Variants in CSMD1 observed in about 807,000 individuals in gnomAD.
The protein encoded by CSMD1 is CUB and Sushi multiple domains 1, also known as CUB and sushi domain-containing protein 1.
In CSMD1, 213 loss-of-function variants were observed where a neutral mutation model predicts 417.5. That is an observed-to-expected ratio of 0.51 (90% CI 0.46 to 0.57). The LOEUF is 0.57. Among genes scored for constraint, CSMD1 ranks in the 20% least tolerant of loss-of-function variants. The probability of loss-of-function intolerance (pLI) is 0.00; values close to 1 mark genes in which losing one functional copy is unlikely to be tolerated. For missense variants in CSMD1, 6,923 were observed against 4,529.7 expected, an observed-to-expected ratio of 1.53 and a Z score of -15.17; for synonymous variants, 2,862 against 1,736.8, an observed-to-expected ratio of 1.65 and a Z score of -16.11.
At chr8:4,226,899 G>A (rs1519178) in intron 3 of CSMD1, among the ~76,000 whole-genome samples, 3,573 of 152,284 alleles carry the variant, frequency 0.023, 45 homozygotes, top group Middle Eastern at 0.075. Flanking sequence ...GAACGTAAAG[G>A]ATTTTTTGTT....
intron 3 of CSMD1, among the ~76,000 whole-genome samples, chr8:4,179,043 C>T (rs1798210234): frequency 6.6e-6 from 1 of 152,134 alleles, no homozygotes; most frequent in Non-Finnish European, 1.5e-5. Context: ...CATCAAGCTA[C>T]CAATGACTTT....
chr8:3,348,431 T>C lies in CSMD1; in HGVS notation c.3305-270A>G, dbSNP rs902070549. On this transcript the variant is annotated intron_variant, in intron 21 of 69. Coordinates refer to ENST00000635120, the MANE Select transcript of CSMD1 (RefSeq NM_033225.6). ...CAGCATGCTATCATACAGAGAGTTC[T>C]AGAATAAAACAGAGGTGCTCCAGCA... Among the ~76,000 whole-genome samples the C allele has an allele frequency of 2.6e-5, 4 of 152,324 alleles. No homozygotes were observed. The East Asian group carries it at 5.8e-4, about 22-fold the overall frequency.
At chr8:4,106,756 C>G (rs1801588765) in intron 3 of CSMD1, among the ~76,000 whole-genome samples, 1 of 152,148 alleles carries the variant, frequency 6.6e-6, no homozygotes, top group African/African-American at 2.4e-5. Context: ...AGACCCCGCA[C>G]AGCTAGTGAT....
intron 12 of CSMD1, among the ~76,000 whole-genome samples, chr8:3,439,050 G>C (rs1814763044): frequency 7.0e-6 from 1 of 142,290 alleles, no homozygotes; most frequent in African/African-American, 2.6e-5. Flanking sequence ...TTCAATCTGG[G>C]AGGTGGAGGT....
intron 2 of CSMD1, among the ~76,000 whole-genome samples, chr8:4,623,294 T>C (rs1273876388): frequency 6.6e-6 from 1 of 152,106 alleles, no homozygotes; most frequent in African/African-American, 2.4e-5. Flanking sequence ...AAAATAACAC[T>C]CTACACTCAT....
chr8:3,771,298 T>A (rs983803270), intron 5 of CSMD1, among the ~76,000 whole-genome samples: 2 of 152,194 alleles, frequency 1.3e-5, no homozygotes, highest in Non-Finnish European at 2.9e-5. Flanking sequence ...TGCTGGTGCT[T>A]CTGGAAGCCT....
At chr8:3,880,686 C>T (rs547835624) in intron 5 of CSMD1, among the ~76,000 whole-genome samples, 50 of 152,232 alleles carry the variant, frequency 3.3e-4, no homozygotes, top group African/African-American at 1.1e-3. Flanking sequence ...GCTTTGCACA[C>T]GTTTCCCAAA....
chr8:3,708,228 C>T (rs753497044), intron 7 of CSMD1, among the ~76,000 whole-genome samples, 186 bp downstream of exon 7: 3 of 152,116 alleles, frequency 2.0e-5, no homozygotes, highest in East Asian at 1.9e-4. Flanking sequence ...AGAACCACCA[C>T]GACATTCCTC....
intron 3 of CSMD1, among the ~76,000 whole-genome samples, chr8:4,088,507 T>C (rs556273667): frequency 6.6e-6 from 1 of 152,334 alleles, no homozygotes; most frequent in East Asian, 1.9e-4. Context: ...TTCTTTGTTT[T>C]CAACCCATGT....
chr8:3,426,807 T>A (rs1813870567), intron 12 of CSMD1, among the ~76,000 whole-genome samples: 1 of 152,244 alleles, frequency 6.6e-6, no homozygotes, highest in African/African-American at 2.4e-5. Context: ...AGTTTCCTCA[T>A]GTTCCAAATC....
At chr8:4,441,468 A>C (rs1482358731) in intron 2 of CSMD1, among the ~76,000 whole-genome samples, 2 of 151,902 alleles carry the variant, frequency 1.3e-5, no homozygotes, top group Non-Finnish European at 2.9e-5. Flanking sequence ...TGAATGTTTT[A>C]TTAGGAGTTA....
chr8:4,335,498 C>T (rs60498550), intron 3 of CSMD1, among the ~76,000 whole-genome samples: 2,585 of 152,114 alleles, frequency 0.017, 73 homozygotes, highest in African/African-American at 0.058. Flanking sequence ...ATGTCCTGAA[C>T]AAACGAAGTC....
At chr8:4,773,045 T>C (rs980890187) in intron 1 of CSMD1, among the ~76,000 whole-genome samples, 2 of 152,188 alleles carry the variant, frequency 1.3e-5, no homozygotes, top group Admixed American at 6.5e-5. Flanking sequence ...ATATCTCTTA[T>C]CTGAAATGTT....
At position 4,387,592 on chromosome 8, in the gene CSMD1, AG is replaced by A. The variant is rs1432014880; in HGVS notation, c.415+32360del. Among the ~76,000 whole-genome samples the A allele has an allele frequency of 2.6e-4, 39 of 148,786 alleles. 1 individual carries two copies. The highest frequency in any genetic ancestry group is 8.2e-4 in the African/African-American group (33 of 40,080). ...TGGCAAAAAAAAAAAAAAAAAAAAA[AG>A]AGTTGAATGTTTGGAAGTATTTTTA... is the stretch of plus-strand genomic sequence containing the variant. On this transcript the variant is annotated intron_variant, in intron 3 of 69. Transcript: ENST00000635120.
Position 4,033,141 on chromosome 8 carries a change from A to AAC in CSMD1, c.416-1043_416-1042insGT, listed in dbSNP as rs1797438204. Among the ~76,000 whole-genome samples, 3 of 150,366 alleles carry AAC rather than the reference A, an allele frequency of 2.0e-5. No individual in the cohort carries two copies. In the South Asian group the frequency reaches 6.3e-4, roughly 32 times the overall value. On this transcript the variant is annotated intron_variant, in intron 3 of 69. Transcript: ENST00000635120. ...TTAATTTCCAATATGAAAAAAAAAAAAAAAAAAAAAAAAACCTGGCCAGGC... is the reference window on the plus strand; with the variant it reads ...TTAATTTCCAATATGAAAAAAAAAAAACAAAAAAAAAAAAAACCTGGCCAGGC...
At chr8:3,509,868 G>C (rs772959699) in intron 10 of CSMD1, among the ~76,000 whole-genome samples, 2 of 152,158 alleles carry the variant, frequency 1.3e-5, no homozygotes, top group Non-Finnish European at 2.9e-5. Context: ...ACCCAACTCT[G>C]TGGCCATGGT....
intron 3 of CSMD1, among the ~76,000 whole-genome samples, chr8:4,114,117 T>A (rs971177682): frequency 2.0e-5 from 3 of 152,202 alleles, no homozygotes; most frequent in Non-Finnish European, 2.9e-5. Flanking sequence ...TCTAGGACTT[T>A]CATAGGAGGA....
chr8:4,434,893 G>C (rs73658892), intron 2 of CSMD1, among the ~76,000 whole-genome samples: 3 of 152,204 alleles, frequency 2.0e-5, no homozygotes, highest in African/African-American at 7.2e-5. Flanking sequence ...AGAAAATGCT[G>C]TATTTTGTCA....
At chr8:3,675,232 C>A (rs893004658) in intron 7 of CSMD1, among the ~76,000 whole-genome samples, 1 of 152,132 alleles carries the variant, frequency 6.6e-6, no homozygotes, top group Non-Finnish European at 1.5e-5. Flanking sequence ...CTTGCAGCAC[C>A]TGTTGGTCTT....
Sources: gnomAD v4.1 joint callset for allele counts (sites outside exome capture counted in the v4.1 genomes callset) on GRCh38, gnomAD v4.1.1 for gene constraint, MANE v1.5 for transcripts, NCBI Gene and HGNC (gene_info 2026-07-23, HGNC 2026-07-21) for gene names.